Variants in CDH19 observed in about 807,000 individuals in gnomAD.
CDH19 encodes cadherin-19.
CDH19 carries 67 observed loss-of-function variants against 64.2 expected under a neutral mutation model. The observed-to-expected ratio is 1.04, with a 90% CI of 0.86 to 1.28. CDH19 has a LOEUF of 1.28. CDH19 is among the 50% of genes most tolerant of loss of function. The pLI, the probability that CDH19 is intolerant of heterozygous loss-of-function variation, is 0.00. For synonymous variants in CDH19, 346 were observed against 319.3 expected (o/e 1.08, Z -0.89); for missense variants, 1,030 against 929.0 (o/e 1.11, Z -1.41).
intron 7 of CDH19, among the ~76,000 whole-genome samples, chr18:66,536,918 A>C (rs1598991791): frequency 6.6e-6 from 1 of 151,848 alleles, no homozygotes; most frequent in East Asian, 1.9e-4. Flanking sequence ...CAGCTGACTT[A>C]TTTAGATATG....
chr18:66,512,176 T>C (rs1222085666), intron 9 of CDH19, among the ~76,000 whole-genome samples: 1 of 151,622 alleles, frequency 6.6e-6, no homozygotes, highest in Non-Finnish European at 1.5e-5. Flanking sequence ...AATAATGCAT[T>C]TAAAATGTAG....
intron 5 of CDH19, among the ~76,000 whole-genome samples, chr18:66,545,259 T>C (rs1987065788): frequency 6.6e-6 from 1 of 152,122 alleles, no homozygotes; most frequent in South Asian, 2.1e-4. Context: ...ATTTCAGATG[T>C]GAGCCACCGT....
At chr18:66,520,294 T>C (rs1985923484) in intron 9 of CDH19, among the ~76,000 whole-genome samples, 1 of 149,496 alleles carries the variant, frequency 6.7e-6, no homozygotes, top group Non-Finnish European at 1.5e-5. Flanking sequence ...TTTTAAACTC[T>C]GGCCATCCTG....
intron 1 of CDH19, among the ~76,000 whole-genome samples, chr18:66,582,132 T>C (rs182759599): frequency 1.3e-5 from 2 of 152,274 alleles, no homozygotes; most frequent in Admixed American, 1.3e-4. Flanking sequence ...ATCTATAAAT[T>C]ACATTTTAAC....
chr18:66,593,704 A>C, intron 1 of CDH19, among the ~76,000 whole-genome samples: 1 of 152,254 alleles, frequency 6.6e-6, no homozygotes, highest in East Asian at 1.9e-4. Flanking sequence ...GTACACCATA[A>C]GTTTCCAATT....
chr18:66,508,874 A>G, intron 11 of CDH19, 121 bp downstream of exon 11: 2 of 1,056,944 alleles, frequency 1.9e-6, no homozygotes, highest in South Asian at 3.4e-5. Context: ...ATAATGCTAT[A>G]ATAGAATTAA....
At chr18:66,552,560 G>A (rs1195467664) in intron 4 of CDH19, among the ~76,000 whole-genome samples, 1 of 95,012 alleles carries the variant, frequency 1.1e-5, no homozygotes, top group East Asian at 2.0e-4. Context: ...TGACTCAGGG[G>A]AGAGGGACCT....
At chr18:66,549,830 A>G (rs1987274051) in intron 5 of CDH19, among the ~76,000 whole-genome samples, 2 of 152,050 alleles carry the variant, frequency 1.3e-5, no homozygotes, top group African/African-American at 4.8e-5. Flanking sequence ...TGTACAACTA[A>G]TGAATGGAAA....
intron 9 of CDH19, among the ~76,000 whole-genome samples, chr18:66,513,077 T>G (rs1985571105): frequency 1.3e-5 from 2 of 151,460 alleles, no homozygotes; most frequent in South Asian, 4.1e-4. Context: ...TATATGCACA[T>G]TTGCTGAAAT....
At chr18:66,565,105 C>T (rs1273557407) in intron 3 of CDH19, among the ~76,000 whole-genome samples, 1 of 151,852 alleles carries the variant, frequency 6.6e-6, no homozygotes, top group African/African-American at 2.4e-5. Flanking sequence ...ATCTCAGTCA[C>T]TCTATGACTT....
intron 7 of CDH19, among the ~76,000 whole-genome samples, chr18:66,541,277 T>A (rs922232369): frequency 1.3e-5 from 2 of 152,182 alleles, no homozygotes; most frequent in African/African-American, 4.8e-5. Context: ...TAATTTACTA[T>A]GTTTAATATG....
rs1985090465 is a variant in CDH19, at chr18:66,504,602, A to AGCTGATTG, written c.*202_*209dup. 2.1e-6 allele frequency: 1 copy of AGCTGATTG among 468,780 alleles called. No individual in the cohort carries two copies. The allele number at this position is 468,780 out of a possible 1,614,324, so 29.0% of individuals were successfully genotyped here. A position where few individuals can be genotyped will look rare whatever the true frequency, so the allele number is the denominator to read the frequency against. On this transcript the variant is annotated 3_prime_UTR_variant, in exon 12 of 12. Transcript: ENST00000262150. ...AAATCTGGTTGTATTGATGCCTGTGAGCTGATTGTTTACATTTCTCCCCAC... is the reference window on the plus strand; with the variant it reads ...AAATCTGGTTGTATTGATGCCTGTGAGCTGATTGGCTGATTGTTTACATTTCTCCCCAC...
At chr18:66,523,357 A>T (rs1986074866) in intron 9 of CDH19, among the ~76,000 whole-genome samples, 1 of 152,172 alleles carries the variant, frequency 6.6e-6, no homozygotes, top group African/African-American at 2.4e-5. Flanking sequence ...GCTCTGAGAA[A>T]ATATCAGAGG....
At chr18:66,519,509 T>G (rs1221463608) in intron 9 of CDH19, among the ~76,000 whole-genome samples, 1 of 152,188 alleles carries the variant, frequency 6.6e-6, no homozygotes, top group East Asian at 1.9e-4. Flanking sequence ...TGTGTAATCT[T>G]TTTGTTATTG....
intron 5 of CDH19, among the ~76,000 whole-genome samples, chr18:66,546,979 A>T (rs1284598432): frequency 1.3e-5 from 2 of 152,098 alleles, no homozygotes; most frequent in African/African-American, 4.8e-5. Flanking sequence ...GTGATACTAA[A>T]CCTAAGGATT....
At chr18:66,529,818 A>T (rs947646955) in intron 9 of CDH19, 27 bp downstream of exon 9, 2 of 1,489,764 alleles carry the variant, frequency 1.3e-6, no homozygotes, top group Admixed American at 4.0e-5. Context: ...TATTGTTTAG[A>T]CTTTGTAATT....
chr18:66,555,197 T>A (rs377034717), intron 3 of CDH19, among the ~76,000 whole-genome samples: 1 of 151,894 alleles, frequency 6.6e-6, no homozygotes, highest in Admixed American at 6.6e-5. Flanking sequence ...ATTTTTAAAA[T>A]ATTTATTCAA....
intron 8 of CDH19, among the ~76,000 whole-genome samples, chr18:66,534,042 A>G (rs2144435879): frequency 6.6e-6 from 1 of 152,146 alleles, no homozygotes; most frequent in Non-Finnish European, 1.5e-5. Flanking sequence ...AAAAAAAATG[A>G]AAATTTGTTA....
intron 9 of CDH19, among the ~76,000 whole-genome samples, chr18:66,528,536 C>T (rs887429962): frequency 2.0e-5 from 3 of 152,142 alleles, no homozygotes; most frequent in African/African-American, 7.2e-5. Flanking sequence ...ATATTTATAA[C>T]AATTCTATTA....
Sources: allele counts gnomAD v4.1 joint callset (sites outside exome capture counted in the v4.1 genomes callset), GRCh38; gene constraint gnomAD v4.1.1; transcripts MANE v1.5; gene names NCBI Gene and HGNC (gene_info 2026-07-23, HGNC 2026-07-21).